ZC3H3: variants seen among roughly 807,000 people sequenced by gnomAD.
ZC3H3 encodes the protein zinc finger CCCH domain-containing protein 3.
Under a neutral mutation model 77.3 loss-of-function variants are expected in ZC3H3, and 36 were observed. That is an observed-to-expected ratio of 0.47 (90% CI 0.36 to 0.61). ZC3H3 has a LOEUF of 0.61. Ranked by LOEUF, ZC3H3 falls within the 20% of genes least tolerant of loss-of-function variation. ZC3H3 has a pLI of 0.00. For synonymous variants in ZC3H3, 626 were observed against 555.2 expected (o/e 1.13, Z -1.79); for missense variants, 1,331 against 1,312.2 (o/e 1.01, Z -0.22).
In ZC3H3 at chr8:143,437,849, G is replaced by A; in HGVS notation, c.*207C>T. The A allele has an allele frequency of 1.5e-6, 1 of 659,834 alleles. No homozygotes were observed. The highest frequency in any genetic ancestry group is 2.6e-6 in the Non-Finnish European group (1 of 388,030). The allele number at this position is 659,834 out of a possible 1,614,324, so 40.9% of individuals were successfully genotyped here. On this transcript the variant is annotated 3_prime_UTR_variant, in exon 12 of 12. Transcript: ENST00000262577. ...CCTGGAAGGTGGTGGGGTGGGGACA[G>A]GGGCCTGGCTTGGGGGAGGAAGACC...
rs757866320 is a variant in ZC3H3, at chr8:143,538,059, G to C, written c.1308C>G (p.Leu436=). ...TGCGGCTCTTCACTTTGTAAGCCGA[G>C]AGCGGGGTCTCCCCAGAGAGGGGCT... The part of the protein sequence containing the change: ...GLKPLSGETP[L]SAYKVKSRTK... The change falls in exon 2 of 12, where the codon CTC becomes CTG. Residue 436 remains leucine, a synonymous_variant. Transcript: ENST00000262577. The C allele has an allele frequency of 1.2e-6, 2 of 1,612,596 alleles. No homozygotes were observed. The highest frequency in any genetic ancestry group is 1.7e-6 in the Non-Finnish European group (2 of 1,179,866).
intron 4 of ZC3H3, 128 bp downstream of exon 4, chr8:143,507,618 C>T: frequency 8.6e-7 from 1 of 1,161,196 alleles, no homozygotes; most frequent in Non-Finnish European, 1.1e-6. Context: ...AGCCAACGAG[C>T]CCAACACCAA....
intron 3 of ZC3H3, among the ~76,000 whole-genome samples, chr8:143,534,903 G>A (rs995628914): frequency 1.1e-4 from 17 of 151,454 alleles, no homozygotes; most frequent in African/African-American, 3.6e-4. Context: ...TGCAACACCC[G>A]GCTGCATCGC....
chr8:143,462,315 C>T lies in ZC3H3; in HGVS notation c.2307+3402G>A, dbSNP rs903403285. ...AGCTGCCTCTTGAGCCAGCATCAGG[C>T]AATGCAGGAGGCACTCTGTGACCAT... is the stretch of plus-strand genomic sequence containing the variant. On this transcript the variant is annotated intron_variant, in intron 9 of 11. Transcript: ENST00000262577. The surrounding 1 kb of genome is among the most constrained non-coding windows in gnomAD (Gnocchi z 4.7). 1.3e-5 allele frequency among the ~76,000 whole-genome samples: 2 copies of T among 152,326 alleles called. No individual in the cohort carries two copies. The highest frequency in any genetic ancestry group is 2.9e-5 in the Non-Finnish European group (2 of 68,036).
rs1477141160 is a variant in ZC3H3, at chr8:143,538,867, G to A, written c.500C>T (p.Pro167Leu). The change falls in exon 2 of 12, where the codon CCT becomes CTT. Residue 167 changes from proline to leucine, a missense_variant. Around this residue, in one of 3 missense-constraint regions of ZC3H3, gnomAD observed 978 missense variants for 915.5 expected, o/e 1.07. Coordinates refer to ENST00000262577, the MANE Select transcript of ZC3H3 (RefSeq NM_015117.3). Reference sequence around the variant, plus strand: ...CCTCGAGGGCTGCAGCTGTCCCCGAGGGGGCTCACCTTCACCTTCCCGGGG... The same window carrying A: ...CCTCGAGGGCTGCAGCTGTCCCCGAAGGGGCTCACCTTCACCTTCCCGGGG... Reference protein sequence around the residue: ...QRPREGEGEPPRGQLQPSRPT... With the variant: ...QRPREGEGEPLRGQLQPSRPT... The A allele has an allele frequency of 6.2e-7, 1 of 1,612,520 alleles. No homozygotes were observed. Among genetic ancestry groups the A allele is most frequent in the African/African-American group, 1.3e-5 (1 of 75,050 alleles).
chr8:143,524,091 T>C (rs1025276540), intron 3 of ZC3H3, among the ~76,000 whole-genome samples: 2 of 152,212 alleles, frequency 1.3e-5, no homozygotes, highest in South Asian at 2.1e-4. Context: ...CAGCCCCTAA[T>C]GGGCAGGAGG....
rs1170916268 is a variant in ZC3H3, at chr8:143,460,862, A to G, written c.2307+4855T>C. Among the ~76,000 whole-genome samples, 2 of 152,196 alleles carry G rather than the reference A, an allele frequency of 1.3e-5. No homozygotes were observed. Among genetic ancestry groups the G allele is most frequent in the African/African-American group, 4.8e-5 (2 of 41,446 alleles). On this transcript the variant is annotated intron_variant, in intron 9 of 11. Transcript: ENST00000262577. The surrounding 1 kb of genome is among the most constrained non-coding windows in gnomAD (Gnocchi z 4.0). ...CATTACGCTGCGTGAAAGACGCCAG[A>G]CACCAAAGGACAGAATGTACGATTC...
At chr8:143,448,403 T>A (rs1047503746) in intron 9 of ZC3H3, among the ~76,000 whole-genome samples, 1 of 152,074 alleles carries the variant, frequency 6.6e-6, no homozygotes, top group Non-Finnish European at 1.5e-5. Context: ...GGCATAGGTA[T>A]TGGGTAAATA....
intron 4 of ZC3H3, among the ~76,000 whole-genome samples, chr8:143,480,359 T>C (rs78923230): frequency 0.016 from 2,475 of 152,262 alleles, 65 homozygotes; most frequent in African/African-American, 0.056. Flanking sequence ...ATGCAAGGAC[T>C]CTGAGGACCA....
rs147945739 is a variant in ZC3H3, at chr8:143,440,214, G to T, written c.2642C>A (p.Ser881Tyr). ...CTCGTGGTCCAAGGAAGCGGGAGGG[G>T]ATGAGGAGGAGGAGGAGGAGGAGGA... ...KASSSSSSSS[S>Y]PPASLDHEAP... The change falls in exon 11 of 12, where the codon TCC (serine) becomes TAC (tyrosine). Residue 881 changes from serine (S) to tyrosine (Y), a missense_variant. Ser to Tyr is a moderately radical substitution (Grantham distance 144). This residue lies in a region of ZC3H3 where 249 missense variants were observed against 236.9 expected (regional missense o/e 1.05). Transcript: ENST00000262577. 1.1e-5 allele frequency: 18 copies of T among 1,606,166 alleles called. No homozygotes were observed. The highest frequency in any genetic ancestry group is 1.5e-5 in the Non-Finnish European group (18 of 1,176,596).
At chr8:143,540,782 C>A (rs895655373) in intron 1 of ZC3H3, among the ~76,000 whole-genome samples, 1 of 152,052 alleles carries the variant, frequency 6.6e-6, no homozygotes, top group Non-Finnish European at 1.5e-5. Context: ...ATGGTGAAAC[C>A]CCGTCTCTAC....
At chr8:143,536,840 A>G (rs1822816167) in intron 2 of ZC3H3, among the ~76,000 whole-genome samples, 1 of 152,138 alleles carries the variant, frequency 6.6e-6, no homozygotes, top group South Asian at 2.1e-4. Context: ...ACCGGCCCCA[A>G]GTGGCCTGCC....
rs1822583176 is a variant in ZC3H3 at position 143,530,955 on chromosome 8, CCT to C, written c.1561+5300_1561+5301del. 6.7e-6 allele frequency among the ~76,000 whole-genome samples: 1 copy of C among 149,256 alleles called. No homozygotes were observed. The highest frequency in any genetic ancestry group is 6.7e-5 in the Admixed American group (1 of 15,036). ...ACCCTTCTGGGGCTGTCTTCTATCT[CCT>C]TTTTTTTTTTTTTTTTTTTTGAGAC... On this transcript the variant is annotated intron_variant, in intron 3 of 11. Transcript: ENST00000262577. The surrounding 1 kb of genome is among the most constrained non-coding windows in gnomAD (Gnocchi z 4.3).
At chr8:143,470,690 A>G (rs537609854) in intron 5 of ZC3H3, among the ~76,000 whole-genome samples, 22 of 152,210 alleles carry the variant, frequency 1.4e-4, no homozygotes, top group African/African-American at 5.3e-4. Context: ...AGGAGGGGTT[A>G]CCTCCCTTTC....
intron 3 of ZC3H3, among the ~76,000 whole-genome samples, chr8:143,535,603 G>C (rs1822769503): frequency 6.6e-6 from 1 of 152,220 alleles, no homozygotes; most frequent in Admixed American, 6.5e-5. Flanking sequence ...TGCCCGCCTG[G>C]AGGCCGCTCC....
chr8:143,506,284 C>T (rs1188504457), intron 4 of ZC3H3, among the ~76,000 whole-genome samples: 5 of 152,218 alleles, frequency 3.3e-5, no homozygotes, highest in East Asian at 1.9e-4. Flanking sequence ...GGACCCTCGA[C>T]GTCGGGCTGA....
chr8:143,512,956 G>A (rs1821917825), intron 3 of ZC3H3, among the ~76,000 whole-genome samples: 1 of 152,194 alleles, frequency 6.6e-6, no homozygotes, highest in Non-Finnish European at 1.5e-5. Context: ...AGAGCCTGGG[G>A]TTCCTGAGAG....
chr8:143,439,661 G>A (rs181494411), intron 11 of ZC3H3, among the ~76,000 whole-genome samples: 160 of 152,322 alleles, frequency 1.1e-3, no homozygotes, highest in African/African-American at 3.5e-3. Flanking sequence ...ACTGCGCAGC[G>A]GCCACCGCTA....
Position 143,538,890 on chromosome 8 carries a change from G to T in ZC3H3, c.477C>A (p.Pro159=). The T allele has an allele frequency of 1.2e-6, 2 of 1,612,792 alleles. No individual in the cohort carries two copies. Among genetic ancestry groups the T allele is most frequent in the Non-Finnish European group, 1.7e-6 (2 of 1,179,910 alleles). ...GAGGGGGCTCACCTTCACCTTCCCGGGGCCTTTGGTCACTCCAGGGGGTTT... is the reference window on the plus strand; with the variant it reads ...GAGGGGGCTCACCTTCACCTTCCCGTGGCCTTTGGTCACTCCAGGGGGTTT... ...FEETPWSDQR[P]REGEGEPPRG... The change falls in exon 2 of 12, where the codon CCC becomes CCA. Residue 159 remains proline (P), a synonymous_variant. Transcript: ENST00000262577.
Sources: gnomAD v4.1 joint callset for allele counts (sites outside exome capture counted in the v4.1 genomes callset) on GRCh38, gnomAD v4.1.1 for gene constraint, gnomAD v4.1.1 regional missense constraint, Gnocchi (gnomAD v3.1) non-coding constraint, MANE v1.5 for transcripts, NCBI Gene and HGNC (gene_info 2026-07-23, HGNC 2026-07-21) for gene names.